CCDC152: variants seen among roughly 807,000 people sequenced by gnomAD.
CCDC152 encodes the protein coiled-coil domain-containing protein 152.
Under a neutral mutation model 38.1 loss-of-function variants are expected in CCDC152, and 37 were observed. That is an observed-to-expected ratio of 0.97 (90% CI 0.75 to 1.28). The LOEUF is 1.28. CCDC152 is among the 50% of genes most tolerant of loss of function. The pLI is 0.00. For missense variants in CCDC152, 259 were observed against 292.1 expected, an observed-to-expected ratio of 0.89 and a Z score of 0.83; for synonymous variants, 83 against 87.1, an observed-to-expected ratio of 0.95 and a Z score of 0.26.
chr5:42,782,807 A>G (rs186468593), intron 5 of CCDC152, among the ~76,000 whole-genome samples: 90 of 143,204 alleles, frequency 6.3e-4, no homozygotes, highest in African/African-American at 2.2e-3. Flanking sequence ...CAATGTATAC[A>G]TATATTAAAA....
At chr5:42,762,412 G>A in intron 2 of CCDC152, 31 bp from the exon 3 acceptor site, 1 of 1,153,080 alleles carries the variant, frequency 8.7e-7, no homozygotes. Flanking sequence ...GCATTGATTT[G>A]TTAATAATAA....
chr5:42,770,125 T>C (rs1759677717), intron 4 of CCDC152, among the ~76,000 whole-genome samples: 1 of 152,212 alleles, frequency 6.6e-6, no homozygotes, highest in Non-Finnish European at 1.5e-5. Flanking sequence ...GTAACAATCA[T>C]GTTAATCAAA....
rs756213126 is a variant in CCDC152 at position 42,800,897 on chromosome 5, G to GT, written c.*1120dup. 1.2e-6 allele frequency: 2 copies of GT among 1,614,130 alleles called. No individual in the cohort carries two copies. Among genetic ancestry groups the GT allele is most frequent in the Non-Finnish European group, 1.7e-6 (2 of 1,180,020 alleles). On this transcript the variant is annotated 3_prime_UTR_variant, in exon 9 of 9. Transcript: ENST00000361970. Reference sequence around the variant, plus strand: ...CCTGTCAGCTACATAAAGATGGGAGGTTTTCTTTACACTGTCAGGTGATTG... The same window carrying GT: ...CCTGTCAGCTACATAAAGATGGGAGGTTTTTCTTTACACTGTCAGGTGATTG...
In CCDC152 at chr5:42,800,912, T is replaced by A; in HGVS notation, c.*1131T>A. On this transcript the variant is annotated 3_prime_UTR_variant, in exon 9 of 9. Transcript: ENST00000361970. The stretch of plus-strand genomic sequence containing the variant: ...AAGATGGGAGGTTTTCTTTACACTG[T>A]CAGGTGATTGCAGACCCTGTTTTTT... 6.2e-7 allele frequency: 1 copy of A among 1,614,220 alleles called. No homozygotes were observed. The highest frequency in any genetic ancestry group is 8.5e-7 in the Non-Finnish European group (1 of 1,180,040).
At chr5:42,757,520 G>A (rs1003388431) in intron 1 of CCDC152, among the ~76,000 whole-genome samples, 24 of 152,290 alleles carry the variant, frequency 1.6e-4, no homozygotes, top group African/African-American at 5.8e-4. Context: ...AGCCTTGAAG[G>A]TCACAAATCA....
At chr5:42,784,237 C>T (rs1759889966) in intron 6 of CCDC152, among the ~76,000 whole-genome samples, 1 of 152,156 alleles carries the variant, frequency 6.6e-6, no homozygotes, top group African/African-American at 2.4e-5. Context: ...CTTTACTCCA[C>T]ATCCCTGACA....
chr5:42,782,151 G>A (rs1759855144), intron 5 of CCDC152, among the ~76,000 whole-genome samples: 1 of 152,032 alleles, frequency 6.6e-6, no homozygotes, highest in African/African-American at 2.4e-5. Flanking sequence ...CACTTACCAT[G>A]GGTAATGCTT....
At position 42,799,896 on chromosome 5, in the gene CCDC152, T is replaced by C; in HGVS notation, c.*115T>C. 1 of 1,148,822 alleles carries C rather than the reference T, an allele frequency of 8.7e-7. No individual in the cohort carries two copies. Among genetic ancestry groups the C allele is most frequent in the Non-Finnish European group, 1.2e-6 (1 of 808,686 alleles). The allele number at this position is 1,148,822 out of a possible 1,614,324, so 71.2% of individuals were successfully genotyped here. A position where few individuals can be genotyped will look rare whatever the true frequency, so the allele number is the denominator to read the frequency against. ...CAAACGAAGTCAGCTTTAAGGTTTT[T>C]ATTGAATTTATTTGGACAAATCCGT... On this transcript the variant is annotated 3_prime_UTR_variant, in exon 9 of 9. Transcript: ENST00000361970.
At chr5:42,797,946 G>A (rs757604456) in intron 7 of CCDC152, among the ~76,000 whole-genome samples, 8 of 151,920 alleles carry the variant, frequency 5.3e-5, no homozygotes, top group Non-Finnish European at 1.0e-4. Context: ...TCAGGAGTTC[G>A]AGACCAACCA....
intron 5 of CCDC152, among the ~76,000 whole-genome samples, chr5:42,782,233 C>T (rs2910855): frequency 0.45 from 67,854 of 152,000 alleles, 15,330 homozygotes; most frequent in East Asian, 0.58. Flanking sequence ...TTCAAAGAGA[C>T]TCATCTTACA....
At chr5:42,798,020 C>A (rs2111605346) in intron 7 of CCDC152, among the ~76,000 whole-genome samples, 1 of 152,194 alleles carries the variant, frequency 6.6e-6, no homozygotes, top group East Asian at 1.9e-4. Flanking sequence ...GGCGTGATGG[C>A]AGATGCCTGT....
At position 42,769,621 on chromosome 5, in the gene CCDC152, T is replaced by C; in HGVS notation, c.218T>C (p.Ile73Thr). 1 of 1,490,992 alleles carries C rather than the reference T, an allele frequency of 6.7e-7. No homozygotes were observed. The highest frequency in any genetic ancestry group is 2.6e-5 in the East Asian group (1 of 38,338). 92.4% of individuals were successfully genotyped at this position (1,490,992 alleles called of 1,614,324 possible). A position where few individuals can be genotyped will look rare whatever the true frequency, so the allele number is the denominator to read the frequency against. The change falls in exon 4 of 9, where the codon ATA (isoleucine) becomes ACA (threonine). Residue 73 changes from isoleucine to threonine, a missense_variant. Ile to Thr is a moderately conservative substitution (Grantham distance 89, BLOSUM62 -1). Transcript: ENST00000361970. ...GAATGTGCTACTCTTCATAATATAA[T>C]AAAAGGGCTACAACAGACCATTGAA... ...KEECATLHNI[I>T]KGLQQTIEYQ... is the part of the protein sequence containing the mutation.
chr5:42,788,641 G>A (rs1759957418), intron 6 of CCDC152, among the ~76,000 whole-genome samples: 1 of 152,076 alleles, frequency 6.6e-6, no homozygotes, highest in East Asian at 1.9e-4. Flanking sequence ...TCTTCTTACT[G>A]AATTCTTAGT....
intron 2 of CCDC152, 67 bp downstream of exon 2, chr5:42,759,275 A>C (rs1759519362): frequency 1.1e-6 from 1 of 920,676 alleles, no homozygotes; most frequent in South Asian, 1.8e-5. Flanking sequence ...CAAGGGAAGA[A>C]GTTGGGAAGA....
rs552977890 is a variant in CCDC152 at position 42,796,269 on chromosome 5, A to G, written c.431-560A>G. Among the ~76,000 whole-genome samples, 10 of 151,636 alleles carry G rather than the reference A, an allele frequency of 6.6e-5. No homozygotes were observed. In the East Asian group the frequency reaches 1.9e-3, roughly 29 times the overall value. On this transcript the variant is annotated intron_variant, in intron 6 of 8. Transcript: ENST00000361970. ...TAATAAAATTAAAAAAAAAAAAAAG[A>G]AAGCTAGGAAGCCCTTCATTGTGGG...
At chr5:42,769,488 A>G in intron 3 of CCDC152, 109 bp from the exon 4 acceptor site, 2 of 1,253,980 alleles carry the variant, frequency 1.6e-6, no homozygotes, top group African/African-American at 1.5e-5. Flanking sequence ...CAAGGCACAC[A>G]TCACCATGCC....
chr5:42,769,168 G>C (rs746394882), intron 3 of CCDC152, among the ~76,000 whole-genome samples: 2 of 151,856 alleles, frequency 1.3e-5, no homozygotes, highest in Non-Finnish European at 1.5e-5. Context: ...AGAATTACTT[G>C]AGCCTGGGAG....
At chr5:42,778,458 A>G (rs749492034) in intron 4 of CCDC152, among the ~76,000 whole-genome samples, 3 of 152,192 alleles carry the variant, frequency 2.0e-5, no homozygotes, top group Non-Finnish European at 4.4e-5. Flanking sequence ...GAAAACTTTC[A>G]ATCAAATAGG....
chr5:42,760,037 G>C (rs1044764100), intron 2 of CCDC152, among the ~76,000 whole-genome samples: 1 of 152,082 alleles, frequency 6.6e-6, no homozygotes, highest in Non-Finnish European at 1.5e-5. Context: ...GGGCACGGTG[G>C]CTCACTCCTG....
Sources: allele counts gnomAD v4.1 joint callset (sites outside exome capture counted in the v4.1 genomes callset), GRCh38; gene constraint gnomAD v4.1.1; transcripts MANE v1.5; gene names NCBI Gene and HGNC (gene_info 2026-07-23, HGNC 2026-07-21).